LRP1B: variants seen among roughly 807,000 people sequenced by gnomAD.
LRP1B encodes LDL receptor related protein 1B.
A neutral mutation model predicts 556.6 loss-of-function variants in LRP1B; 217 were observed. That is an observed-to-expected ratio of 0.39 (90% CI 0.35 to 0.44). The LOEUF is 0.44. Ranked by LOEUF, LRP1B falls within the 20% of genes least tolerant of loss-of-function variation. LRP1B has a pLI of 1.00. For synonymous variants in LRP1B, 2,047 were observed against 1,865.8 expected, an observed-to-expected ratio of 1.10 and a Z score of -2.50; for missense variants, 5,053 against 5,620.8, an observed-to-expected ratio of 0.90 and a Z score of 3.23.
At chr2:140,671,603 C>G (rs953700136) in intron 41 of LRP1B, among the ~76,000 whole-genome samples, 1 of 152,182 alleles carries the variant, frequency 6.6e-6, no homozygotes, top group Non-Finnish European at 1.5e-5. Flanking sequence ...GCCTCTTTCT[C>G]CACCTTCAGG....
At chr2:141,418,539 G>A (rs938935198) in intron 3 of LRP1B, among the ~76,000 whole-genome samples, 10 of 150,678 alleles carry the variant, frequency 6.6e-5, no homozygotes, top group Admixed American at 3.3e-4. Context: ...AAGATCATTT[G>A]AGTATGTGTG....
intron 2 of LRP1B, among the ~76,000 whole-genome samples, chr2:141,600,124 G>T (rs1687672498): frequency 6.6e-6 from 1 of 152,044 alleles, no homozygotes; most frequent in African/African-American, 2.4e-5. Flanking sequence ...AGATAGAGGT[G>T]GTGAAAAAGG....
chr2:140,867,988 C>A, intron 26 of LRP1B, 111 bp downstream of exon 26: 1 of 1,302,028 alleles, frequency 7.7e-7, no homozygotes, highest in Non-Finnish European at 1.0e-6. Flanking sequence ...AAAAATACAC[C>A]TCCAATTTTA....
rs182292424 is a variant in LRP1B at position 140,595,486 on chromosome 2, C to T, written c.7194+3145G>A. ...ATATTGAGAATTATCATTAAAATGTCGCAGATTTAATTCCATATCATTAAT... is the reference window on the plus strand; with the variant it reads ...ATATTGAGAATTATCATTAAAATGTTGCAGATTTAATTCCATATCATTAAT... On this transcript the variant is annotated intron_variant, in intron 43 of 90. Transcript: ENST00000389484. Among the ~76,000 whole-genome samples, 416 of 152,084 alleles carry T rather than the reference C, an allele frequency of 2.7e-3. 6 individuals carry two copies. Among genetic ancestry groups the T allele is most frequent in the Middle Eastern group, 3.4e-3 (1 of 292 alleles).
chr2:141,000,535 C>T (rs909311097), intron 15 of LRP1B, among the ~76,000 whole-genome samples: 2 of 152,018 alleles, frequency 1.3e-5, no homozygotes, highest in Admixed American at 6.6e-5. Flanking sequence ...CCACAGGCTT[C>T]TCTCCTCAGG....
intron 3 of LRP1B, among the ~76,000 whole-genome samples, chr2:141,449,342 A>T (rs1168737267): frequency 6.6e-6 from 1 of 152,204 alleles, no homozygotes; most frequent in Admixed American, 6.5e-5. Flanking sequence ...GCAAATGTGA[A>T]TAATTTTTGG....
At chr2:141,605,967 G>A (rs186530933) in intron 2 of LRP1B, among the ~76,000 whole-genome samples, 1 of 151,458 alleles carries the variant, frequency 6.6e-6, no homozygotes, top group East Asian at 1.9e-4. Flanking sequence ...AAAAAACATT[G>A]AGCCTAAATA....
Position 140,233,142 on chromosome 2 carries a change from C to T in LRP1B, c.*44G>A, listed in dbSNP as rs2104870247. The T allele has an allele frequency of 7.7e-7, 1 of 1,297,588 alleles. No individual in the cohort carries two copies. Among genetic ancestry groups the T allele is most frequent in the Non-Finnish European group, 1.1e-6 (1 of 942,710 alleles). The allele number at this position is 1,297,588 out of a possible 1,614,324, so 80.4% of individuals were successfully genotyped here. ...ACTGTTGGAACATACAAAAGTAATC[C>T]TTATATTTTATACATTTATACAGCA... On this transcript the variant is annotated 3_prime_UTR_variant, in exon 91 of 91. Transcript: ENST00000389484.
intron 1 of LRP1B, among the ~76,000 whole-genome samples, chr2:142,108,426 T>C (rs376572399): frequency 6.8e-6 from 1 of 146,668 alleles, no homozygotes. Flanking sequence ...TCAATAGATG[T>C]TCAATAAAAA....
At chr2:140,927,933 G>A (rs1173378123) in intron 20 of LRP1B, among the ~76,000 whole-genome samples, 1 of 151,110 alleles carries the variant, frequency 6.6e-6, no homozygotes, top group Non-Finnish European at 1.5e-5. Flanking sequence ...TTTTGTAGAG[G>A]CGAGGTTTCA....
At chr2:140,786,251 T>C (rs1202090877) in intron 32 of LRP1B, among the ~76,000 whole-genome samples, 2 of 152,200 alleles carry the variant, frequency 1.3e-5, no homozygotes, top group African/African-American at 2.4e-5. Flanking sequence ...TTTCCAGGGA[T>C]AGATTAACCA....
chr2:141,284,150 T>C (rs2105394174), intron 3 of LRP1B, among the ~76,000 whole-genome samples: 1 of 152,306 alleles, frequency 6.6e-6, no homozygotes, highest in Non-Finnish European at 1.5e-5. Context: ...ATTTGTATGA[T>C]ATTTTTTCTC....
intron 43 of LRP1B, among the ~76,000 whole-genome samples, chr2:140,552,219 A>G (rs919365952): frequency 3.3e-5 from 5 of 152,148 alleles, no homozygotes; most frequent in Non-Finnish European, 5.9e-5. Flanking sequence ...ATTACAGACT[A>G]ATGAAATAGA....
chr2:141,990,675 C>T (rs1702318551), intron 1 of LRP1B, among the ~76,000 whole-genome samples: 1 of 151,894 alleles, frequency 6.6e-6, no homozygotes, highest in South Asian at 2.1e-4. Context: ...ACTATAATTA[C>T]CAACAAATAA....
intron 84 of LRP1B, among the ~76,000 whole-genome samples, chr2:140,292,758 G>A (rs949430856): frequency 3.9e-5 from 6 of 152,000 alleles, no homozygotes; most frequent in African/African-American, 1.2e-4. Context: ...TCTTAATGCC[G>A]AACATAGTGA....
chr2:141,812,825 G>C (rs752622873), intron 1 of LRP1B, among the ~76,000 whole-genome samples: 3 of 152,050 alleles, frequency 2.0e-5, no homozygotes, highest in Non-Finnish European at 4.4e-5. Flanking sequence ...TCCAAGTGAT[G>C]TGACATATGA....
intron 3 of LRP1B, among the ~76,000 whole-genome samples, chr2:141,310,144 G>C (rs1182091190): frequency 1.3e-5 from 2 of 152,076 alleles, no homozygotes; most frequent in Non-Finnish European, 2.9e-5. Context: ...ACTATAGTCA[G>C]TTTACTACAA....
chr2:142,060,089 A>G (rs1015245919), intron 1 of LRP1B, among the ~76,000 whole-genome samples: 3 of 152,134 alleles, frequency 2.0e-5, no homozygotes, highest in African/African-American at 7.2e-5. Flanking sequence ...GGATGCATTT[A>G]AAAGTCCTTC....
chr2:141,594,714 A>G (rs1481566791), intron 2 of LRP1B, among the ~76,000 whole-genome samples: 1 of 152,156 alleles, frequency 6.6e-6, no homozygotes, highest in Non-Finnish European at 1.5e-5. Context: ...CTTCCTTTAG[A>G]TATTTAAATA....
Sources: allele counts gnomAD v4.1 joint callset (sites outside exome capture counted in the v4.1 genomes callset), GRCh38; gene constraint gnomAD v4.1.1; transcripts MANE v1.5; gene names NCBI Gene and HGNC (gene_info 2026-07-23, HGNC 2026-07-21).